Variants in MKLN1 observed in about 807,000 individuals in gnomAD.
MKLN1 encodes the protein muskelin 1, also known as muskelin.
Under a neutral mutation model 99.0 loss-of-function variants are expected in MKLN1, and 18 were observed. The observed-to-expected ratio is 0.18, with a 90% CI of 0.13 to 0.27. The LOEUF (loss-of-function observed/expected upper bound fraction) is 0.27. MKLN1 is among the 10% of genes least tolerant of loss of function. The probability of loss-of-function intolerance (pLI) is 1.00; values close to 1 mark genes in which losing one functional copy is unlikely to be tolerated. For missense variants in MKLN1, 621 were observed against 875.9 expected (o/e 0.71, Z 3.67); for synonymous variants, 288 against 293.2 (o/e 0.98, Z 0.18).
chr7:131,352,422 G>C (rs1342753910), intron 1 of MKLN1, among the ~76,000 whole-genome samples: 1 of 152,068 alleles, frequency 6.6e-6, no homozygotes, highest in East Asian at 1.9e-4. Flanking sequence ...ATAGAGCTAG[G>C]AAATAAATTT....
intron 3 of MKLN1, among the ~76,000 whole-genome samples, chr7:131,219,426 T>A (rs1326662509): frequency 6.6e-6 from 1 of 152,172 alleles, no homozygotes; most frequent in Non-Finnish European, 1.5e-5. Flanking sequence ...GGCACTTCTC[T>A]CTCCAAGGCA....
At chr7:131,308,411 A>C (rs1302730927) in intron 3 of MKLN1, among the ~76,000 whole-genome samples, 1 of 151,084 alleles carries the variant, frequency 6.6e-6, no homozygotes, top group Non-Finnish European at 1.5e-5. Flanking sequence ...ACAGGCATGC[A>C]TCACTACGCC....
At chr7:131,484,007 T>G in intron 17 of MKLN1, among the ~76,000 whole-genome samples, 1 of 151,788 alleles carries the variant, frequency 6.6e-6, no homozygotes, top group Non-Finnish European at 1.5e-5. Context: ...TGGGCTGTTT[T>G]AATTTATTAT....
chr7:131,418,412 T>C (rs1340597378), intron 8 of MKLN1, among the ~76,000 whole-genome samples: 1 of 150,378 alleles, frequency 6.6e-6, no homozygotes, highest in African/African-American at 2.4e-5. Context: ...ATCAGGGGTG[T>C]TCAATCTTTT....
At chr7:131,479,714 C>T (rs1797064823) in intron 17 of MKLN1, among the ~76,000 whole-genome samples, 2 of 151,944 alleles carry the variant, frequency 1.3e-5, no homozygotes, top group South Asian at 4.2e-4. Flanking sequence ...GTAGTCCCAG[C>T]TACTCAGGAG....
intron 12 of MKLN1, among the ~76,000 whole-genome samples, chr7:131,461,449 TGTATG>T (rs1276675177): frequency 6.6e-6 from 1 of 151,956 alleles, no homozygotes; most frequent in African/African-American, 2.4e-5. Context: ...GTATACAAAT[TGTATG>T]GTGTGTGTGT....
intron 2 of MKLN1, among the ~76,000 whole-genome samples, chr7:131,154,763 A>G (rs11763313): frequency 0.45 from 68,081 of 151,978 alleles, 16,762 homozygotes; most frequent in Non-Finnish European, 0.57. Context: ...GATGTTCCCA[A>G]TTCTTTACAC....
intron 3 of MKLN1, among the ~76,000 whole-genome samples, chr7:131,204,914 A>G (rs1356558170): frequency 6.8e-6 from 1 of 147,250 alleles, no homozygotes; most frequent in East Asian, 2.0e-4. Context: ...AGCCTAGGCG[A>G]CAGAGCAAGA....
intron 2 of MKLN1, among the ~76,000 whole-genome samples, chr7:131,176,121 A>T (rs1796295136): frequency 6.6e-6 from 1 of 152,194 alleles, no homozygotes; most frequent in Non-Finnish European, 1.5e-5. Context: ...AGTTTATTTT[A>T]TCAAAACATT....
chr7:131,404,231 G>A (rs1391360194), intron 6 of MKLN1, among the ~76,000 whole-genome samples: 1 of 152,148 alleles, frequency 6.6e-6, no homozygotes, highest in African/African-American at 2.4e-5. Flanking sequence ...CTTATAGAAT[G>A]GGGCAGGAAT....
In MKLN1 at chr7:131,280,901, T is replaced by C. The variant is rs1012839129; in HGVS notation, c.-179+77927T>C. ...GTTTTAATTGAGTCATTTGTCTTTT[T>C]ATTCTTGAGTAGTAGTAGGGTTTTA... is the stretch of plus-strand genomic sequence containing the variant. On this transcript the variant is annotated intron_variant, in intron 3 of 7. Transcript: ENST00000416992. Among the ~76,000 whole-genome samples the C allele has an allele frequency of 6.6e-5, 10 of 152,324 alleles. No homozygotes were observed. In the East Asian group the frequency reaches 1.9e-3, roughly 29 times the overall value.
intron 1 of MKLN1, among the ~76,000 whole-genome samples, chr7:131,133,180 A>AGGACTCCCATTCCATAAAATAATTCCT (rs1795585150): frequency 6.6e-6 from 1 of 151,716 alleles, no homozygotes; most frequent in African/African-American, 2.4e-5. Context: ...ACTTGTACTC[A>AGGACTCCCATTCCATAAAATAATTCCT]GGACTCCCAT....
At chr7:131,441,941 G>A (rs575982032) in intron 10 of MKLN1, among the ~76,000 whole-genome samples, 2 of 152,302 alleles carry the variant, frequency 1.3e-5, no homozygotes, top group African/African-American at 2.4e-5. Context: ...CTTCAGAAAC[G>A]GAAATGTGAC....
intron 3 of MKLN1, among the ~76,000 whole-genome samples, chr7:131,262,862 TA>T (rs1166751505): frequency 3.3e-5 from 5 of 152,096 alleles, no homozygotes; most frequent in Non-Finnish European, 7.4e-5. Flanking sequence ...TTATGTTTCT[TA>T]AGGCTCTTTA....
At chr7:131,126,212 G>A (rs4445168) in intron 1 of MKLN1, among the ~76,000 whole-genome samples, 10,934 of 152,094 alleles carry the variant, frequency 0.072, 499 homozygotes, top group Admixed American at 0.15. Flanking sequence ...GCTCAGATCC[G>A]TGAGACCCAT....
chr7:131,473,140 G>A (rs769058075), intron 16 of MKLN1, among the ~76,000 whole-genome samples: 1 of 152,054 alleles, frequency 6.6e-6, no homozygotes, highest in African/African-American at 2.4e-5. Context: ...AGTCTGTTTG[G>A]GGGGAAGAAA....
rs975294369 is a variant in MKLN1 at position 131,490,198 on chromosome 7, T to G, written c.*2470T>G. Reference sequence around the variant, plus strand: ...TAGGTACATTGTTTATATAGCCAAGTGTATATGCTTTACTACCTAACAATT... The same window carrying G: ...TAGGTACATTGTTTATATAGCCAAGGGTATATGCTTTACTACCTAACAATT... On this transcript the variant is annotated 3_prime_UTR_variant, in exon 18 of 18. Coordinates refer to ENST00000352689, the MANE Select transcript of MKLN1 (RefSeq NM_013255.5). 6.6e-6 allele frequency: 1 copy of G among 152,598 alleles called. No homozygotes were observed. The highest frequency in any genetic ancestry group is 2.4e-5 in the African/African-American group (1 of 41,444). 9.5% of individuals were successfully genotyped at this position (152,598 alleles called of 1,614,324 possible).
chr7:131,294,059 G>T lies in MKLN1; in HGVS notation c.-178-81365G>T, dbSNP rs1044539707. Among the ~76,000 whole-genome samples, 6 of 151,956 alleles carry T rather than the reference G, an allele frequency of 3.9e-5. No individual in the cohort carries two copies. In the East Asian group the frequency reaches 9.7e-4, roughly 24 times the overall value. ...AAAATGTCTCCAAGCGTTGCTAAAAGTCTGTCTTGGGGCACTGGACTAGAG... is the reference window on the plus strand; with the variant it reads ...AAAATGTCTCCAAGCGTTGCTAAAATTCTGTCTTGGGGCACTGGACTAGAG... On this transcript the variant is annotated intron_variant, in intron 3 of 7. Coordinates refer to the MKLN1 transcript ENST00000416992.
At chr7:131,243,768 C>A (rs1797442902) in intron 3 of MKLN1, among the ~76,000 whole-genome samples, 1 of 152,158 alleles carries the variant, frequency 6.6e-6, no homozygotes, top group Non-Finnish European at 1.5e-5. Flanking sequence ...AATCCCAGCA[C>A]TTTGGGAGGC....
Sources: gnomAD v4.1 joint callset for allele counts (sites outside exome capture counted in the v4.1 genomes callset) on GRCh38, gnomAD v4.1.1 for gene constraint, MANE v1.5 for transcripts, NCBI Gene and HGNC (gene_info 2026-07-23, HGNC 2026-07-21) for gene names.